SHCBP1L: variants seen among roughly 807,000 people sequenced by gnomAD.
SHCBP1L encodes the protein testicular spindle-associated protein SHCBP1L.
In SHCBP1L, 67 loss-of-function variants were observed where a neutral mutation model predicts 62.5. The observed-to-expected ratio is 1.07, with a 90% CI of 0.88 to 1.31. The LOEUF (loss-of-function observed/expected upper bound fraction) is 1.31. SHCBP1L is among the 40% of genes most tolerant of loss of function. The pLI is 0.00. For missense variants in SHCBP1L, 823 were observed against 809.8 expected (o/e 1.02, Z -0.20); for synonymous variants, 284 against 289.4 (o/e 0.98, Z 0.19).
At position 182,944,983 on chromosome 1, in the gene SHCBP1L, C is replaced by T. The variant is rs571048110; in HGVS notation, c.556-4440G>A. ...TTTTTTTTTTTTTTTTTTTTTGAGACGGAGCCTTTCTTTGTCACCCAGGCT... is the reference window on the plus strand; with the variant it reads ...TTTTTTTTTTTTTTTTTTTTTGAGATGGAGCCTTTCTTTGTCACCCAGGCT... On this transcript the variant is annotated intron_variant, in intron 2 of 9. Transcript: ENST00000367547. 2.0e-4 allele frequency among the ~76,000 whole-genome samples: 20 copies of T among 100,552 alleles called. No homozygotes were observed. The South Asian group carries it at 4.4e-3, about 22-fold the overall frequency. 66.0% of individuals were successfully genotyped at this position (100,552 alleles called of 152,430 possible). A position where few individuals can be genotyped will look rare whatever the true frequency, so the allele number is the denominator to read the frequency against.
At chr1:182,924,938 G>GAAAGAA (rs1557997094) in intron 6 of SHCBP1L, among the ~76,000 whole-genome samples, 1 of 93,828 alleles carries the variant, frequency 1.1e-5, no homozygotes, top group African/African-American at 4.8e-5. Flanking sequence ...AAGGAAGGAA[G>GAAAGAA]AAAGAAAGAA....
Position 182,921,959 on chromosome 1 carries a change from C to G in SHCBP1L, c.1182+7688G>C, listed in dbSNP as rs1571344509. On this transcript the variant is annotated intron_variant, in intron 6 of 9. Transcript: ENST00000367547. ...AGCAAAAAGATGGAGAAAAATCTAC[C>G]AAGCAAATGGAAAACCAAAAAAAGC... is the stretch of plus-strand genomic sequence containing the variant. 2.6e-5 allele frequency among the ~76,000 whole-genome samples: 4 copies of G among 152,182 alleles called. No individual in the cohort carries two copies. In the South Asian group the frequency reaches 6.2e-4, roughly 24 times the overall value.
intron 6 of SHCBP1L, among the ~76,000 whole-genome samples, chr1:182,927,401 G>A (rs1291449049): frequency 6.6e-6 from 1 of 151,878 alleles, no homozygotes; most frequent in Non-Finnish European, 1.5e-5. Context: ...AGCCGGGCGC[G>A]GTGGCTCACG....
chr1:182,932,294 C>T (rs886358901), intron 5 of SHCBP1L, among the ~76,000 whole-genome samples: 1 of 151,914 alleles, frequency 6.6e-6, no homozygotes, highest in Non-Finnish European at 1.5e-5. Context: ...AAGTTTCCAA[C>T]TCATGTGGGT....
At chr1:182,922,318 G>T (rs1245135282) in intron 6 of SHCBP1L, among the ~76,000 whole-genome samples, 2 of 152,024 alleles carry the variant, frequency 1.3e-5, no homozygotes, top group Admixed American at 6.5e-5. Flanking sequence ...TCTACAGATC[G>T]CCTGAGGTCA....
rs1335670301 is a variant in SHCBP1L at position 182,905,626 on chromosome 1, T to C, written c.1206A>G (p.Thr402=). The C allele has an allele frequency of 6.8e-6, 11 of 1,613,386 alleles. No individual in the cohort carries two copies. The highest frequency in any genetic ancestry group is 1.7e-5 in the Admixed American group (1 of 59,926). ...CCAAATCACCATGCTGTTGGAGAAG[T>C]GTGTCTGAAGATAAATCCTTTATCT... The part of the protein sequence containing the change: ...TEMIKDLSSD[T]LLQQHGDLDL... Residue 402 remains threonine, a synonymous_variant, in exon 7 of 10, where the codon ACA becomes ACG. Transcript: ENST00000367547.
At chr1:182,924,693 AAG>A (rs760573902) in intron 6 of SHCBP1L, among the ~76,000 whole-genome samples, 2 of 113,290 alleles carry the variant, frequency 1.8e-5, no homozygotes, top group Admixed American at 1.0e-4. Context: ...AAGGAAAGGA[AAG>A]GAAAGGAAGA....
intron 6 of SHCBP1L, among the ~76,000 whole-genome samples, chr1:182,908,863 AC>A (rs1650095088): frequency 6.6e-6 from 1 of 152,230 alleles, no homozygotes; most frequent in African/African-American, 2.4e-5. Flanking sequence ...TTTGTCATAA[AC>A]AAAACAACAT....
chr1:182,902,061 C>CTTTTTTTTTTTT (rs1156301250), intron 9 of SHCBP1L, among the ~76,000 whole-genome samples: 10 of 127,572 alleles, frequency 7.8e-5, no homozygotes, highest in South Asian at 5.1e-4. Context: ...CTTTTTTTTT[C>CTTTTTTTTTTTT]TTTTTTTTTT....
chr1:182,914,710 G>A (rs1054274572), intron 6 of SHCBP1L, among the ~76,000 whole-genome samples: 1 of 151,926 alleles, frequency 6.6e-6, no homozygotes, highest in African/African-American at 2.4e-5. Context: ...TGAAAGCACT[G>A]CGTAACAAAA....
chr1:182,951,069 T>G (rs954611167), intron 2 of SHCBP1L, among the ~76,000 whole-genome samples: 1 of 152,222 alleles, frequency 6.6e-6, no homozygotes, highest in Non-Finnish European at 1.5e-5. Flanking sequence ...TTTGTTATTT[T>G]TACATTAGTT....
At chr1:182,923,763 A>C (rs1650590844) in intron 6 of SHCBP1L, among the ~76,000 whole-genome samples, 1 of 152,202 alleles carries the variant, frequency 6.6e-6, no homozygotes, top group Non-Finnish European at 1.5e-5. Context: ...CATCTATGAC[A>C]AGCCCACAGC....
intron 6 of SHCBP1L, among the ~76,000 whole-genome samples, chr1:182,922,909 A>G (rs967165377): frequency 2.6e-5 from 4 of 152,306 alleles, no homozygotes; most frequent in Non-Finnish European, 4.4e-5. Flanking sequence ...TTAGAGTGGA[A>G]CTGAATGAAT....
At chr1:182,952,242 A>C (rs1275985115) in intron 1 of SHCBP1L, among the ~76,000 whole-genome samples, 12 of 117,642 alleles carry the variant, frequency 1.0e-4, no homozygotes, top group Non-Finnish European at 1.9e-4. Flanking sequence ...ATATACACAC[A>C]CACACACACA....
At chr1:182,928,227 C>T (rs940830333) in intron 6 of SHCBP1L, among the ~76,000 whole-genome samples, 2 of 151,940 alleles carry the variant, frequency 1.3e-5, no homozygotes, top group African/African-American at 4.8e-5. Flanking sequence ...TCTTTCGGTT[C>T]CTCATATATA....
intron 3 of SHCBP1L, among the ~76,000 whole-genome samples, chr1:182,940,083 T>C (rs2101951776): frequency 6.6e-6 from 1 of 152,284 alleles, no homozygotes; most frequent in South Asian, 2.1e-4. Context: ...TTAAATTTTA[T>C]TTTTATAAAA....
intron 7 of SHCBP1L, 144 bp downstream of exon 7, chr1:182,905,352 C>G (rs1649977958): frequency 2.3e-6 from 2 of 864,000 alleles, no homozygotes; most frequent in Non-Finnish European, 3.4e-6. Flanking sequence ...ACGAACATGT[C>G]TTAATTATAA....
Position 182,952,861 on chromosome 1 carries a change from C to G in SHCBP1L, c.273G>C (p.Glu91Asp), listed in dbSNP as rs1397756059. 5 of 1,604,996 alleles carry G rather than the reference C, an allele frequency of 3.1e-6. No individual in the cohort carries two copies. The highest frequency in any genetic ancestry group is 4.2e-6 in the Non-Finnish European group (5 of 1,176,806). ...CATCCTCAGGCACTGGCAGCAGGGGCTCCTCCGCCGCCGCCGCCGCCGCCT... is the reference window on the plus strand; with the variant it reads ...CATCCTCAGGCACTGGCAGCAGGGGGTCCTCCGCCGCCGCCGCCGCCGCCT... ...TGEAAAAAAE[E>D]PLLPVPEDEE... Residue 91 changes from glutamate (E) to aspartate (D), a missense_variant, in exon 1 of 10, where the codon GAG (glutamate) becomes GAC (aspartate). Physicochemically the swap from Glu to Asp is conservative, Grantham distance 45. Coordinates refer to ENST00000367547, the MANE Select transcript of SHCBP1L (RefSeq NM_030933.4).
chr1:182,949,008 C>A (rs1651661963), intron 2 of SHCBP1L, among the ~76,000 whole-genome samples: 1 of 152,016 alleles, frequency 6.6e-6, no homozygotes, highest in Admixed American at 6.6e-5. Context: ...ATTACTAGAC[C>A]CTCACAAATT....
Sources: allele counts gnomAD v4.1 joint callset (sites outside exome capture counted in the v4.1 genomes callset), GRCh38; gene constraint gnomAD v4.1.1; transcripts MANE v1.5; gene names NCBI Gene and HGNC (gene_info 2026-07-23, HGNC 2026-07-21).